GPR176: variants seen among roughly 807,000 people sequenced by gnomAD.
The protein encoded by GPR176 is G protein-coupled receptor 176, also known as G-protein coupled receptor 176.
Under a neutral mutation model 35.4 loss-of-function variants are expected in GPR176, and 26 were observed. That is an observed-to-expected ratio of 0.74 (90% CI 0.54 to 1.02). GPR176 has a LOEUF of 1.02. Among genes scored for constraint, GPR176 ranks in the 50% least tolerant of loss-of-function variants. GPR176 has a pLI of 0.00. For missense variants in GPR176, 597 were observed against 665.3 expected, an observed-to-expected ratio of 0.90 and a Z score of 1.13; for synonymous variants, 278 against 271.3, an observed-to-expected ratio of 1.02 and a Z score of -0.24.
chr15:39,838,142 G>A (rs1417345382), intron 1 of GPR176, among the ~76,000 whole-genome samples: 1 of 151,950 alleles, frequency 6.6e-6, no homozygotes, highest in Non-Finnish European at 1.5e-5. Flanking sequence ...TTTATATATG[G>A]ACAAATATGC....
At chr15:39,853,706 G>C (rs957292910) in intron 1 of GPR176, among the ~76,000 whole-genome samples, 1 of 152,116 alleles carries the variant, frequency 6.6e-6, no homozygotes, top group East Asian at 1.9e-4. Flanking sequence ...TGTCATAGCT[G>C]GGAGCAGGAG....
At chr15:39,869,621 CCT>C (rs2031972321) in intron 1 of GPR176, among the ~76,000 whole-genome samples, 1 of 152,040 alleles carries the variant, frequency 6.6e-6, no homozygotes, top group East Asian at 1.9e-4. Context: ...CATTTTGTTC[CCT>C]TTTTAATCCC....
rs1023250189 is a variant in GPR176, at chr15:39,801,965, T to C, written c.715A>G (p.Lys239Glu). 6.2e-7 allele frequency: 1 copy of C among 1,613,924 alleles called. No homozygotes were observed. The highest frequency in any genetic ancestry group is 8.5e-7 in the Non-Finnish European group (1 of 1,179,894). Residue 239 changes from lysine to glutamate, a missense_variant, in exon 3 of 3, where the codon AAG becomes GAG. Coordinates refer to ENST00000561100, the MANE Select transcript of GPR176 (RefSeq NM_007223.3). ...RRALSASQKKKVIIAALRTPQ... is the reference protein window; with the variant it reads ...RRALSASQKKEVIIAALRTPQ... ...GTCCGGAGCGCTGCTATGATGACCTTCTTCTTCTGGCTGGCACTCAGGGCC... is the reference window on the plus strand; with the variant it reads ...GTCCGGAGCGCTGCTATGATGACCTCCTTCTTCTGGCTGGCACTCAGGGCC...
At chr15:39,914,617 C>T (rs1275685981) in intron 1 of GPR176, among the ~76,000 whole-genome samples, 1 of 152,170 alleles carries the variant, frequency 6.6e-6, no homozygotes, top group African/African-American at 2.4e-5. Context: ...GCCCAGGATA[C>T]CTTATTCTTA....
chr15:39,893,394 A>G lies in GPR176; in HGVS notation c.172+26461T>C, dbSNP rs890655097. 2.0e-5 allele frequency among the ~76,000 whole-genome samples: 3 copies of G among 152,086 alleles called. No homozygotes were observed. In the South Asian group the frequency reaches 6.2e-4, roughly 32 times the overall value. ...ATTTAACCCTGAGTGGACACAGCAC[A>G]TGTTTCAGAGAGCACAGGGTTGGGG... On this transcript the variant is annotated intron_variant, in intron 1 of 2. Coordinates refer to ENST00000561100, the MANE Select transcript of GPR176 (RefSeq NM_007223.3).
intron 1 of GPR176, among the ~76,000 whole-genome samples, chr15:39,917,439 G>A (rs1391779531): frequency 3.4e-5 from 5 of 149,022 alleles, no homozygotes; most frequent in African/African-American, 7.4e-5. Flanking sequence ...GGGTTCTAGC[G>A]ATTCTCCTGC....
At chr15:39,864,166 A>G (rs1308115508) in intron 1 of GPR176, among the ~76,000 whole-genome samples, 1 of 152,102 alleles carries the variant, frequency 6.6e-6, no homozygotes, top group Non-Finnish European at 1.5e-5. Flanking sequence ...CCCCTTTCTT[A>G]CCACTTGGTA....
chr15:39,900,818 A>G (rs1566967672), intron 1 of GPR176, among the ~76,000 whole-genome samples: 1 of 152,220 alleles, frequency 6.6e-6, no homozygotes, highest in South Asian at 2.1e-4. Context: ...TTCCAATTCT[A>G]TCTTAGTGAA....
intron 1 of GPR176, among the ~76,000 whole-genome samples, chr15:39,896,883 A>C (rs1050536149): frequency 2.0e-5 from 3 of 152,262 alleles, no homozygotes; most frequent in Non-Finnish European, 2.9e-5. Flanking sequence ...AAAGAGAGAG[A>C]GAGGAATAGA....
intron 1 of GPR176, among the ~76,000 whole-genome samples, chr15:39,904,295 C>G (rs543284330): frequency 6.6e-6 from 1 of 152,208 alleles, no homozygotes; most frequent in South Asian, 2.1e-4. Flanking sequence ...TTATTTTACC[C>G]AGCTTCTGTT....
At chr15:39,811,775 G>A (rs1899575147) in intron 1 of GPR176, among the ~76,000 whole-genome samples, 1 of 152,120 alleles carries the variant, frequency 6.6e-6, no homozygotes, top group African/African-American at 2.4e-5. Flanking sequence ...AATTAGCCGG[G>A]CGTAGTAGTG....
At chr15:39,874,044 A>G (rs529988884) in intron 1 of GPR176, among the ~76,000 whole-genome samples, 4 of 152,314 alleles carry the variant, frequency 2.6e-5, no homozygotes, top group African/African-American at 9.6e-5. Flanking sequence ...GTATTGCACG[A>G]AGGTTAGGTA....
chr15:39,869,495 T>C (rs576790324), intron 1 of GPR176, among the ~76,000 whole-genome samples: 1 of 152,218 alleles, frequency 6.6e-6, no homozygotes, highest in Non-Finnish European at 1.5e-5. Context: ...GAGCCATCAA[T>C]CCTCCCAGAC....
rs1183294663 is a variant in GPR176 at position 39,807,184 on chromosome 15, G to C, written c.247C>G (p.Leu83Val). ...KSVTNRFIKN[L>V]ACSGICASLV... ...CTGGCACAAATCCCCGAGCAGGCCAGGTTTTTAATGAACCTGTTGGTGACA... is the reference window on the plus strand; with the variant it reads ...CTGGCACAAATCCCCGAGCAGGCCACGTTTTTAATGAACCTGTTGGTGACA... The change falls in exon 2 of 3, where the codon CTG becomes GTG. Residue 83 changes from leucine (L) to valine (V), a missense_variant. Coordinates refer to ENST00000561100, the MANE Select transcript of GPR176 (RefSeq NM_007223.3). 1 of 1,613,716 alleles carries C rather than the reference G, an allele frequency of 6.2e-7. No homozygotes were observed. The highest frequency in any genetic ancestry group is 1.7e-5 in the Admixed American group (1 of 59,934).
rs937453624 is a variant in GPR176 at position 39,920,077 on chromosome 15, C to A, written c.-51G>T. 1 of 1,229,332 alleles carries A rather than the reference C, an allele frequency of 8.1e-7. No individual in the cohort carries two copies. Among genetic ancestry groups the A allele is most frequent in the Non-Finnish European group, 1.0e-6 (1 of 964,674 alleles). 76.2% of individuals were successfully genotyped at this position (1,229,332 alleles called of 1,614,324 possible). On this transcript the variant is annotated 5_prime_UTR_variant, in exon 1 of 3. Coordinates refer to ENST00000561100, the MANE Select transcript of GPR176 (RefSeq NM_007223.3). The stretch of plus-strand genomic sequence containing the variant: ...GCGCCGCCCGCCTCGGAGCCCCGCG[C>A]GGAGCCTCTCCTCCTCCGGGTGAGG...
At chr15:39,883,057 G>T (rs1164062067) in intron 1 of GPR176, among the ~76,000 whole-genome samples, 1 of 152,212 alleles carries the variant, frequency 6.6e-6, no homozygotes, top group African/African-American at 2.4e-5. Flanking sequence ...CAAGTTTGAA[G>T]ATGTGCTTAG....
chr15:39,874,658 A>G (rs572810639), intron 1 of GPR176, among the ~76,000 whole-genome samples: 2 of 152,340 alleles, frequency 1.3e-5, no homozygotes, highest in Admixed American at 6.5e-5. Context: ...TTAAAAGTCA[A>G]TAAGACTTGG....
chr15:39,906,295 A>C (rs1357790817), intron 1 of GPR176, among the ~76,000 whole-genome samples: 1 of 152,126 alleles, frequency 6.6e-6, no homozygotes, highest in Non-Finnish European at 1.5e-5. Flanking sequence ...CCCCACTCCT[A>C]CTACTGAGCC....
At chr15:39,828,080 C>G (rs1366137983) in intron 1 of GPR176, among the ~76,000 whole-genome samples, 1 of 152,208 alleles carries the variant, frequency 6.6e-6, no homozygotes, top group Admixed American at 6.5e-5. Flanking sequence ...CCACCCCTAG[C>G]TAGCCTGGTG....
Sources: allele counts gnomAD v4.1 joint callset (sites outside exome capture counted in the v4.1 genomes callset), GRCh38; gene constraint gnomAD v4.1.1; transcripts MANE v1.5; gene names NCBI Gene and HGNC (gene_info 2026-07-23, HGNC 2026-07-21).